Variants in FBXO42 observed in about 807,000 individuals in gnomAD.
FBXO42 encodes the protein F-box only protein 42.
A neutral mutation model predicts 71.7 loss-of-function variants in FBXO42; 12 were observed. That is an observed-to-expected ratio of 0.17 (90% confidence interval 0.11 to 0.27). The LOEUF is 0.27. FBXO42 is among the 10% of genes least tolerant of loss of function. FBXO42 has a pLI of 1.00. For synonymous variants in FBXO42, 325 were observed against 327.5 expected, an observed-to-expected ratio of 0.99 and a Z score of 0.08; for missense variants, 707 against 911.9, an observed-to-expected ratio of 0.78 and a Z score of 2.89.
chr1:16,285,017 G>C (rs1300189606), intron 4 of FBXO42, among the ~76,000 whole-genome samples: 4 of 150,734 alleles, frequency 2.7e-5, no homozygotes, highest in Non-Finnish European at 5.9e-5. Context: ...GTGGTGGCAC[G>C]TGCCTGTAAT....
intron 4 of FBXO42, among the ~76,000 whole-genome samples, chr1:16,288,181 T>G (rs1315173765): frequency 3.3e-5 from 5 of 151,542 alleles, no homozygotes; most frequent in Non-Finnish European, 5.9e-5. Context: ...GGCTCAAGCG[T>G]GTAATCCCAG....
intron 1 of FBXO42, among the ~76,000 whole-genome samples, chr1:16,325,149 G>T (rs2082439780): frequency 6.6e-6 from 1 of 151,608 alleles, no homozygotes; most frequent in African/African-American, 2.4e-5. Context: ...GAGGTGGGAG[G>T]ATCTCTTGAG....
chr1:16,256,875 A>G, intron 4 of FBXO42, 116 bp from the exon 5 acceptor site: 1 of 1,066,968 alleles, frequency 9.4e-7, no homozygotes, highest in Non-Finnish European at 1.4e-6. Context: ...CTAATACTAC[A>G]AAGTGTAGAG....
At chr1:16,337,130 A>G (rs546044208) in intron 1 of FBXO42, among the ~76,000 whole-genome samples, 64 of 152,336 alleles carry the variant, frequency 4.2e-4, no homozygotes, top group Middle Eastern at 3.4e-3. Context: ...TTAGGTACTC[A>G]GAGGAAATCT....
intron 4 of FBXO42, among the ~76,000 whole-genome samples, chr1:16,273,982 G>A (rs6665360): frequency 0.35 from 53,065 of 152,058 alleles, 9,732 homozygotes; most frequent in African/African-American, 0.41. Context: ...TCTCAAAAAC[G>A]TGTTCAAAGA....
rs149139126 is a variant in FBXO42 at position 16,316,913 on chromosome 1, C to T, written c.-17-1478G>A. ...CAGAGCAAATAAATTGTGGTACATT[C>T]GCCATGAAATATAGAGCAAAGAACC... On this transcript the variant is annotated intron_variant, in intron 1 of 9. Transcript: ENST00000375592. Among the ~76,000 whole-genome samples, 847 of 152,102 alleles carry T rather than the reference C, an allele frequency of 5.6e-3. 6 individuals are homozygous for T. Among genetic ancestry groups the T allele is most frequent in the South Asian group, 8.5e-3 (41 of 4,820 alleles).
intron 1 of FBXO42, among the ~76,000 whole-genome samples, chr1:16,330,315 G>A (rs1418348011): frequency 6.6e-6 from 1 of 151,808 alleles, no homozygotes; most frequent in East Asian, 1.9e-4. Flanking sequence ...GAGCCCAGGA[G>A]TTCAAGACCA....
chr1:16,270,209 C>T (rs1023492016), intron 4 of FBXO42, among the ~76,000 whole-genome samples: 1 of 152,092 alleles, frequency 6.6e-6, no homozygotes, highest in East Asian at 1.9e-4. Context: ...ACCCATTAAT[C>T]CAGGAACGAA....
At chr1:16,272,676 T>C (rs1488066241) in intron 4 of FBXO42, among the ~76,000 whole-genome samples, 3 of 152,192 alleles carry the variant, frequency 2.0e-5, no homozygotes, top group Non-Finnish European at 4.4e-5. Context: ...CTTTGATCCC[T>C]AACTACCTTT....
At chr1:16,271,957 G>A (rs1299660346) in intron 4 of FBXO42, among the ~76,000 whole-genome samples, 1 of 150,056 alleles carries the variant, frequency 6.7e-6, no homozygotes, top group East Asian at 2.0e-4. Context: ...TAGCCAACAT[G>A]GTGAAACCCC....
intron 1 of FBXO42, among the ~76,000 whole-genome samples, chr1:16,350,195 G>T (rs1396642299): frequency 6.6e-6 from 1 of 152,072 alleles, no homozygotes; most frequent in Non-Finnish European, 1.5e-5. Context: ...GAGAGCAAAT[G>T]ATGTCATGGA....
chr1:16,311,249 G>GT (rs571193679), intron 2 of FBXO42, among the ~76,000 whole-genome samples: 372 of 149,934 alleles, frequency 2.5e-3, no homozygotes, highest in Non-Finnish European at 3.8e-3. Flanking sequence ...GGCCCAGGTG[G>GT]TAAGATTGCT....
chr1:16,329,546 T>C (rs564643097), intron 1 of FBXO42, among the ~76,000 whole-genome samples: 7 of 151,812 alleles, frequency 4.6e-5, no homozygotes, highest in Non-Finnish European at 1.0e-4. Flanking sequence ...ATCGCACCAC[T>C]GCACTCCAGC....
intron 1 of FBXO42, among the ~76,000 whole-genome samples, chr1:16,320,323 C>T (rs1005839426): frequency 2.6e-4 from 38 of 145,272 alleles, no homozygotes; most frequent in African/African-American, 9.2e-4. Context: ...ATCATGCCAC[C>T]GCACTCTAGC....
chr1:16,279,027 C>A (rs572483700), intron 4 of FBXO42, among the ~76,000 whole-genome samples: 1 of 152,134 alleles, frequency 6.6e-6, no homozygotes, highest in African/African-American at 2.4e-5. Flanking sequence ...CTGCCTGGGT[C>A]GGCCTCCCAA....
At position 16,270,156 on chromosome 1, in the gene FBXO42, A is replaced by T. The variant is rs189907235; in HGVS notation, c.503-13397T>A. On this transcript the variant is annotated intron_variant, in intron 4 of 9. Transcript: ENST00000375592. ...CAGGTGTGAGCCACCACGCCCAGCC[A>T]CTTTCTCTTCTTATAAAGCCACCAG... Among the ~76,000 whole-genome samples the T allele has an allele frequency of 3.3e-5, 5 of 152,198 alleles. No individual in the cohort carries two copies. In the East Asian group the frequency reaches 9.7e-4, roughly 29 times the overall value.
intron 4 of FBXO42, among the ~76,000 whole-genome samples, chr1:16,282,338 G>A (rs2081973165): frequency 6.6e-6 from 1 of 150,512 alleles, no homozygotes; most frequent in South Asian, 2.1e-4. Flanking sequence ...TAATTCTCCT[G>A]CCTCAGCCTC....
intron 4 of FBXO42, among the ~76,000 whole-genome samples, chr1:16,264,441 C>A (rs2081750161): frequency 6.6e-6 from 1 of 152,192 alleles, no homozygotes; most frequent in Admixed American, 6.5e-5. Context: ...TCCTGGCCTG[C>A]CTTCAAAATA....
chr1:16,307,787 GAACTA>G (rs2082267901), intron 2 of FBXO42, among the ~76,000 whole-genome samples: 1 of 152,064 alleles, frequency 6.6e-6, no homozygotes, highest in African/African-American at 2.4e-5. Flanking sequence ...AGAAATCAAA[GAACTA>G]AATAAAGAGA....
Sources: gnomAD v4.1 joint callset for allele counts (sites outside exome capture counted in the v4.1 genomes callset) on GRCh38, gnomAD v4.1.1 for gene constraint, MANE v1.5 for transcripts, NCBI Gene and HGNC (gene_info 2026-07-23, HGNC 2026-07-21) for gene names.